Variants in SPG11 observed in about 807,000 individuals in gnomAD.
SPG11 encodes SPG11 vesicle trafficking associated, spatacsin.
SPG11 carries 222 observed loss-of-function variants against 274.0 expected under a neutral mutation model. That is an observed-to-expected ratio of 0.81 (90% CI 0.73 to 0.91). SPG11 has a LOEUF of 0.91. Among genes scored for constraint, SPG11 ranks in the 40% least tolerant of loss-of-function variants. The pLI, the probability that SPG11 is intolerant of heterozygous loss-of-function variation, is 0.00. For missense variants in SPG11, 3,114 were observed against 2,872.7 expected (o/e 1.08, Z -1.92); for synonymous variants, 1,144 against 1,039.7 (o/e 1.10, Z -1.93).
chr15:44,663,016 T>C (rs961935109), intron 1 of SPG11, among the ~76,000 whole-genome samples: 2 of 152,234 alleles, frequency 1.3e-5, no homozygotes, highest in Non-Finnish European at 2.9e-5. Flanking sequence ...TCAGCTGGCA[T>C]CTTTAACTGA....
chr15:44,601,751 G>A (rs989077755), intron 20 of SPG11, among the ~76,000 whole-genome samples: 1 of 151,544 alleles, frequency 6.6e-6, no homozygotes, highest in Non-Finnish European at 1.5e-5. Flanking sequence ...TAGAGACGGG[G>A]TTTCGCCATG....
chr15:44,567,431 C>G lies in SPG11; in HGVS notation c.6747G>C (p.Gln2249His), dbSNP rs2082333256. Residue 2249 changes from glutamine (Q) to histidine (H), a missense_variant, in exon 36 of 40, where the codon CAG becomes CAC. Transcript: ENST00000261866. Reference sequence around the variant, plus strand: ...GGCTGTGACCTCACTCACCCCAGGGCTGAGACTCAATCAATTTCAGTTGGA... The same window carrying G: ...GGCTGTGACCTCACTCACCCCAGGGGTGAGACTCAATCAATTTCAGTTGGA... ...ARIQLKLIES[Q>H]PWEDSLKDGH... The G allele has an allele frequency of 3.7e-6, 6 of 1,613,380 alleles. 1 individual carries two copies. The East Asian group carries it at 1.3e-4, about 36-fold the overall frequency.
At chr15:44,593,335 G>A (rs143220331) in intron 26 of SPG11, among the ~76,000 whole-genome samples, 3 of 152,238 alleles carry the variant, frequency 2.0e-5, no homozygotes, top group Admixed American at 6.5e-5. Flanking sequence ...GGGACTAGAG[G>A]TGCGTGCCAC....
chr15:44,584,198 T>G lies in SPG11; in HGVS notation c.5482A>C (p.Thr1828Pro). ...CTATCAAAGGAAAGTTCACCACTAG[T>G]TGAGATCTGTCGAGAAAATCTGGGC... The part of the protein sequence containing the change: ...TEPRFSRQIS[T>P]SGELSFDSLA... The change falls in exon 30 of 40, where the codon ACT (threonine) becomes CCT (proline). Residue 1828 changes from threonine to proline, a missense_variant. Thr to Pro is a conservative substitution (Grantham distance 38, BLOSUM62 -1). Coordinates refer to ENST00000261866, the MANE Select transcript of SPG11 (RefSeq NM_025137.4). 6.2e-7 allele frequency: 1 copy of G among 1,614,228 alleles called. No homozygotes were observed. The highest frequency in any genetic ancestry group is 8.5e-7 in the Non-Finnish European group (1 of 1,180,034).
chr15:44,617,972 G>A lies in SPG11; in HGVS notation c.2834+2218C>T, dbSNP rs1003555284. ...ATTACAGGTGTGAGCCACCGTGCCC[G>A]GCAGACCCTCTAATTTCTATATAAA... On this transcript the variant is annotated intron_variant, in intron 15 of 39. Coordinates refer to ENST00000261866, the MANE Select transcript of SPG11 (RefSeq NM_025137.4). Among the ~76,000 whole-genome samples the A allele has an allele frequency of 7.2e-5, 11 of 151,884 alleles. No homozygotes were observed. In the East Asian group the frequency reaches 1.4e-3, roughly 19 times the overall value.
intron 22 of SPG11, 65 bp downstream of exon 22, chr15:44,598,566 A>G (rs747093931): frequency 2.9e-5 from 44 of 1,493,826 alleles, no homozygotes; most frequent in Non-Finnish European, 4.0e-5. Context: ...AACACTCACA[A>G]TTCAATGCCT....
chr15:44,626,493 G>A lies in SPG11; in HGVS notation c.2082C>T (p.Ser694=), dbSNP rs375179506. 154 of 1,613,592 alleles carry A rather than the reference G, an allele frequency of 9.5e-5. No homozygotes were observed. Among genetic ancestry groups the A allele is most frequent in the Admixed American group, 1.2e-4 (7 of 59,972 alleles). The stretch of plus-strand genomic sequence containing the variant: ...CTGGTATTTTGTTGTTTAAAATGGC[G>A]CTGGCAATAACTTCCTAGGAAAAGA... ...KKLSFEEVIA[S]AILNNKIPEA... The change falls in exon 11 of 40, where the codon AGC becomes AGT. Residue 694 remains serine (S), a synonymous_variant. Transcript: ENST00000261866.
chr15:44,585,872 A>G (rs771488628), intron 28 of SPG11, 22 bp from the exon 29 acceptor site: 2 of 1,607,554 alleles, frequency 1.2e-6, no homozygotes, highest in Admixed American at 3.3e-5. Context: ...AGAAAAGGAT[A>G]TAAACATTTA....
At chr15:44,652,508 CA>C (rs1268626530) in intron 4 of SPG11, among the ~76,000 whole-genome samples, 4 of 152,170 alleles carry the variant, frequency 2.6e-5, no homozygotes, top group African/African-American at 9.7e-5. Context: ...TACTATATTT[CA>C]GATGTTATGC....
intron 3 of SPG11, among the ~76,000 whole-genome samples, chr15:44,658,365 G>A (rs937214812): frequency 1.3e-5 from 2 of 151,886 alleles, no homozygotes; most frequent in Non-Finnish European, 2.9e-5. Context: ...TCAAATTAAC[G>A]TGGCAAAGCA....
At chr15:44,600,706 T>C in intron 20 of SPG11, 74 bp from the exon 21 acceptor site, 2 of 1,484,714 alleles carry the variant, frequency 1.3e-6, no homozygotes, top group South Asian at 2.3e-5. Flanking sequence ...CATGGAACTC[T>C]CTAATGATAA....
chr15:44,614,810 C>T (rs575247466), intron 16 of SPG11, among the ~76,000 whole-genome samples: 8 of 152,312 alleles, frequency 5.3e-5, no homozygotes, highest in Non-Finnish European at 8.8e-5. Context: ...TTAAAGACTA[C>T]TTCTATTGTT....
At chr15:44,636,241 C>CA (rs1378023284) in intron 7 of SPG11, among the ~76,000 whole-genome samples, 1 of 151,322 alleles carries the variant, frequency 6.6e-6, no homozygotes, top group Non-Finnish European at 1.5e-5. Context: ...TGACACCCGC[C>CA]AAAAAAAGAT....
chr15:44,652,028 A>G lies in SPG11; in HGVS notation c.1008-89T>C. The G allele has an allele frequency of 1.9e-6, 3 of 1,571,662 alleles. No homozygotes were observed. In the South Asian group the frequency reaches 3.5e-5, roughly 18 times the overall value. On this transcript the variant is annotated intron_variant, in intron 5 of 39. Coordinates refer to ENST00000261866, the MANE Select transcript of SPG11 (RefSeq NM_025137.4). ...AACCAGGGCAAAGATGTTCTTAAAA[A>G]AAAAAAGTATCTATCAAATAAAGAC...
Position 44,563,146 on chromosome 15 carries a change from C to T in SPG11, c.7307G>A (p.Cys2436Tyr). The stretch of plus-strand genomic sequence containing the variant: ...CTAACCTGCTAGCATGTCCTTTAGA[C>T]AGCAACCTGTCTGAGGGTCCTTCAG... ...VLLKDPQTGC[C>Y]LKDMLAG Residue 2436 changes from cysteine (C) to tyrosine (Y), a missense_variant, in exon 40 of 40, where the codon TGT becomes TAT. Physicochemically the swap from Cys to Tyr is radical, Grantham distance 194. Transcript: ENST00000261866. The T allele has an allele frequency of 6.2e-7, 1 of 1,614,166 alleles. No homozygotes were observed. Among genetic ancestry groups the T allele is most frequent in the Non-Finnish European group, 8.5e-7 (1 of 1,180,022 alleles).
chr15:44,619,889 G>T (rs1182389596), intron 15 of SPG11, among the ~76,000 whole-genome samples: 1 of 151,862 alleles, frequency 6.6e-6, no homozygotes, highest in Non-Finnish European at 1.5e-5. Context: ...GCTAATTTTT[G>T]TATTTTTGTA....
rs2084793685 is a variant in SPG11 at position 44,651,948 on chromosome 15, A to G, written c.1008-9T>C. 1 of 1,607,904 alleles carries G rather than the reference A, an allele frequency of 6.2e-7. No homozygotes were observed. Among genetic ancestry groups the G allele is most frequent in the Non-Finnish European group, 8.5e-7 (1 of 1,178,630 alleles). Reference sequence around the variant, plus strand: ...GCTGGGCTTTCCAAGACCTGGAAACAAGGTAAAATATAACTTAACACCTGT... The same window carrying G: ...GCTGGGCTTTCCAAGACCTGGAAACGAGGTAAAATATAACTTAACACCTGT... On this transcript the variant is annotated splice_polypyrimidine_tract_variant and intron_variant, in intron 5 of 39. Transcript: ENST00000261866.
At chr15:44,578,289 C>T (rs900618526) in intron 30 of SPG11, among the ~76,000 whole-genome samples, 3 of 151,790 alleles carry the variant, frequency 2.0e-5, no homozygotes, top group Non-Finnish European at 4.4e-5. Flanking sequence ...CCTCGGCCTC[C>T]CAAAGTGCTG....
intron 26 of SPG11, among the ~76,000 whole-genome samples, chr15:44,594,682 G>A (rs1207848727): frequency 1.3e-5 from 2 of 151,364 alleles, no homozygotes; most frequent in Non-Finnish European, 2.9e-5. Context: ...AGGATCACCT[G>A]AGCCTTGGAG....
Sources: allele counts gnomAD v4.1 joint callset (sites outside exome capture counted in the v4.1 genomes callset), GRCh38; gene constraint gnomAD v4.1.1; transcripts MANE v1.5; gene names NCBI Gene and HGNC (gene_info 2026-07-23, HGNC 2026-07-21).